ATP6V1C1: variants seen among roughly 807,000 people sequenced by gnomAD.
ATP6V1C1 encodes the protein ATPase H+ transporting V1 subunit C1.
Under a neutral mutation model 53.9 loss-of-function variants are expected in ATP6V1C1, and 45 were observed. The ratio of observed to expected loss-of-function variants is 0.83; its 90% CI spans 0.66 to 1.07. The LOEUF is 1.07. ATP6V1C1 is among the 50% of genes least tolerant of loss of function. ATP6V1C1 has a pLI of 0.00. For synonymous variants in ATP6V1C1, 153 were observed against 155.2 expected (o/e 0.99, Z 0.11); for missense variants, 315 against 440.3 (o/e 0.72, Z 2.55).
chr8:103,053,199 T>A (rs995407117), intron 6 of ATP6V1C1, among the ~76,000 whole-genome samples: 4 of 152,046 alleles, frequency 2.6e-5, no homozygotes, highest in African/African-American at 9.7e-5. Flanking sequence ...GATGTAATAG[T>A]TATTCTCTTA....
intron 3 of ATP6V1C1, among the ~76,000 whole-genome samples, chr8:103,045,734 G>A (rs3133429): frequency 0.79 from 119,555 of 151,254 alleles, 47,334 homozygotes; most frequent in Admixed American, 0.82. Flanking sequence ...GAGGTCAGGA[G>A]ATCGAGACCA....
At chr8:103,028,173 C>A (rs566972688) in intron 1 of ATP6V1C1, among the ~76,000 whole-genome samples, 1 of 152,174 alleles carries the variant, frequency 6.6e-6, no homozygotes, top group East Asian at 1.9e-4. Context: ...TTGGGAAAAT[C>A]ATTTTGTTAA....
intron 1 of ATP6V1C1, among the ~76,000 whole-genome samples, chr8:103,027,093 G>T (rs747458723): frequency 1.3e-5 from 2 of 152,196 alleles, no homozygotes; most frequent in Non-Finnish European, 2.9e-5. Flanking sequence ...TGAGTGGATT[G>T]TGGTAAATGT....
chr8:103,024,362 G>T (rs1816659321), intron 1 of ATP6V1C1, among the ~76,000 whole-genome samples: 1 of 152,138 alleles, frequency 6.6e-6, no homozygotes, highest in Non-Finnish European at 1.5e-5. Context: ...AACCTAAAAA[G>T]AAACTTCAGG....
At chr8:103,033,829 T>C (rs1185054534) in intron 1 of ATP6V1C1, among the ~76,000 whole-genome samples, 3 of 152,228 alleles carry the variant, frequency 2.0e-5, no homozygotes, top group African/African-American at 7.2e-5. Context: ...TGACTTGTGC[T>C]AGTAGATAGG....
intron 1 of ATP6V1C1, among the ~76,000 whole-genome samples, chr8:103,026,108 T>C (rs1816690256): frequency 6.6e-6 from 1 of 152,252 alleles, no homozygotes. Context: ...GAGGAGTCTC[T>C]AGAAGCTGAG....
chr8:103,071,341 A>AG lies in ATP6V1C1; in HGVS notation c.*2597dup, dbSNP rs1817582943. ...CGGCCCCTCCCCGTGTTGTTCATGG[A>AG]GGGAGTACTGGCGGTCCCCATTTTC... On this transcript the variant is annotated 3_prime_UTR_variant, in exon 13 of 13. Coordinates refer to ENST00000518738, the MANE Select transcript of ATP6V1C1 (RefSeq NM_001695.5). The AG allele has an allele frequency of 6.6e-6, 1 of 152,136 alleles. No individual in the cohort carries two copies. Among genetic ancestry groups the AG allele is most frequent in the Non-Finnish European group, 1.5e-5 (1 of 68,040 alleles). The allele number at this position is 152,136 out of a possible 1,614,324, so 9.4% of individuals were successfully genotyped here.
intron 5 of ATP6V1C1, among the ~76,000 whole-genome samples, chr8:103,051,688 G>T (rs1158437198): frequency 2.0e-5 from 3 of 152,000 alleles, no homozygotes; most frequent in Non-Finnish European, 2.9e-5. Flanking sequence ...CAAGTTAAGA[G>T]CTCCTTTTAT....
intron 8 of ATP6V1C1, 126 bp downstream of exon 8, chr8:103,056,062 A>AACTC: frequency 1.2e-6 from 1 of 828,044 alleles, no homozygotes. Context: ...GAGTTCTATG[A>AACTC]ACTCTAGTTG....
In ATP6V1C1 at chr8:103,038,148, CAT is replaced by C. The variant is rs1307223682; in HGVS notation, c.-39-2649_-39-2648del. ...TCCCTCTGCTTGTTTTGCCTGGACT[CAT>C]TGATGCAGCCGCATTCAGCTGGGAG... On this transcript the variant is annotated intron_variant, in intron 1 of 12. Coordinates refer to ENST00000518738, the MANE Select transcript of ATP6V1C1 (RefSeq NM_001695.5). Among the ~76,000 whole-genome samples the C allele has an allele frequency of 1.1e-4, 16 of 152,244 alleles. No homozygotes were observed. In the East Asian group the frequency reaches 3.1e-3, roughly 29 times the overall value.
intron 1 of ATP6V1C1, among the ~76,000 whole-genome samples, chr8:103,037,694 A>G (rs1816922833): frequency 1.3e-5 from 2 of 152,332 alleles, no homozygotes; most frequent in South Asian, 4.1e-4. Context: ...ATTCTCATAA[A>G]AATTTTAAAA....
Position 103,040,117 on chromosome 8 carries a change from C to CT in ATP6V1C1, c.-39-672dup, listed in dbSNP as rs373324534. Reference sequence around the variant, plus strand: ...TTCTTTCTCCAAGATAAAAGTTATGCTTTTTTTTTCTTTTTTTAAATTTCC... The same window carrying CT: ...TTCTTTCTCCAAGATAAAAGTTATGCTTTTTTTTTTCTTTTTTTAAATTTCC... On this transcript the variant is annotated intron_variant, in intron 1 of 12. Coordinates refer to ENST00000518738, the MANE Select transcript of ATP6V1C1 (RefSeq NM_001695.5). Among the ~76,000 whole-genome samples the CT allele has an allele frequency of 4.6e-4, 69 of 151,078 alleles. 1 individual carries two copies. Among genetic ancestry groups the CT allele is most frequent in the African/African-American group, 1.2e-3 (50 of 41,182 alleles).
At chr8:103,033,636 A>G (rs1053632834) in intron 1 of ATP6V1C1, among the ~76,000 whole-genome samples, 25 of 152,370 alleles carry the variant, frequency 1.6e-4, no homozygotes, top group African/African-American at 4.8e-4. Context: ...CTATGAGAGC[A>G]TATAATACAT....
At position 103,069,183 on chromosome 8, in the gene ATP6V1C1, T is replaced by C. The variant is rs1192648343; in HGVS notation, c.*436T>C. On this transcript the variant is annotated 3_prime_UTR_variant, in exon 13 of 13. Coordinates refer to ENST00000518738, the MANE Select transcript of ATP6V1C1 (RefSeq NM_001695.5). ...TTACTGAATCATGATGTAAAGAATA[T>C]GTGACCATCTTCAGGTATGGGATTT... The C allele has an allele frequency of 6.6e-6, 1 of 152,326 alleles. No homozygotes were observed. Among genetic ancestry groups the C allele is most frequent in the Non-Finnish European group, 1.5e-5 (1 of 68,124 alleles). The allele number at this position is 152,326 out of a possible 1,614,324, so 9.4% of individuals were successfully genotyped here. A position where few individuals can be genotyped will look rare whatever the true frequency, so the allele number is the denominator to read the frequency against.
At chr8:103,067,601 T>TTC (rs1223388401) in intron 12 of ATP6V1C1, among the ~76,000 whole-genome samples, 2 of 147,534 alleles carry the variant, frequency 1.4e-5, no homozygotes, top group African/African-American at 5.0e-5. Context: ...TCTTTTTCTT[T>TTC]TTTTTTTTTT....
intron 1 of ATP6V1C1, among the ~76,000 whole-genome samples, chr8:103,030,607 ACT>A (rs1345046715): frequency 1.3e-5 from 2 of 152,112 alleles, no homozygotes; most frequent in Admixed American, 6.5e-5. Flanking sequence ...TCCTGTAGAC[ACT>A]CTCTGCACCG....
intron 1 of ATP6V1C1, among the ~76,000 whole-genome samples, chr8:103,023,644 G>A (rs1274254911): frequency 6.6e-6 from 1 of 152,188 alleles, no homozygotes; most frequent in Non-Finnish European, 1.5e-5. Flanking sequence ...TATAGTTACA[G>A]GGAGGGATCA....
At chr8:103,048,637 A>G (rs1817146904) in intron 3 of ATP6V1C1, among the ~76,000 whole-genome samples, 1 of 152,208 alleles carries the variant, frequency 6.6e-6, no homozygotes, top group African/African-American at 2.4e-5. Flanking sequence ...GACACATTGC[A>G]TGTAGTCTCC....
chr8:103,039,119 A>C (rs1053196310), intron 1 of ATP6V1C1, among the ~76,000 whole-genome samples: 1 of 152,246 alleles, frequency 6.6e-6, no homozygotes, highest in African/African-American at 2.4e-5. Context: ...CACTGTCTGC[A>C]TCTGTACCAG....
Sources: gnomAD v4.1 joint callset for allele counts (sites outside exome capture counted in the v4.1 genomes callset) on GRCh38, gnomAD v4.1.1 for gene constraint, MANE v1.5 for transcripts, NCBI Gene and HGNC (gene_info 2026-07-23, HGNC 2026-07-21) for gene names.